The following C1QTNF3 variants were observed in gnomAD, a reference collection of about 807,000 sequenced individuals.
C1QTNF3 encodes the protein complement C1q tumor necrosis factor-related protein 3.
Under a neutral mutation model 32.6 loss-of-function variants are expected in C1QTNF3, and 26 were observed. The ratio of observed to expected loss-of-function variants is 0.80; its 90% confidence interval spans 0.58 to 1.11. C1QTNF3 has a LOEUF of 1.11. C1QTNF3 is among the 50% of genes least tolerant of loss of function. The pLI, the probability that C1QTNF3 is intolerant of heterozygous loss-of-function variation, is 0.00. For synonymous variants in C1QTNF3, 155 were observed against 146.0 expected (o/e 1.06, Z -0.44); for missense variants, 362 against 398.2 (o/e 0.91, Z 0.77).
the C1QTNF3 span, among the ~76,000 whole-genome samples, chr5:34,072,061 G>A: frequency 4.3e-4 from 66 of 152,040 alleles, no homozygotes; most frequent in African/African-American, 1.5e-3. Flanking sequence ...TGATAAGAAA[G>A]ATTGATTATA....
the C1QTNF3 span, among the ~76,000 whole-genome samples, chr5:34,103,232 C>G: frequency 6.6e-6 from 1 of 152,054 alleles, no homozygotes; most frequent in African/African-American, 2.4e-5. Flanking sequence ...CTTCCAGAAT[C>G]CCACCTTTGT....
the C1QTNF3 span, among the ~76,000 whole-genome samples, chr5:34,135,738 A>C: frequency 3.4e-5 from 5 of 146,726 alleles, no homozygotes. Flanking sequence ...TTTAAACTAT[A>C]CTACAAGGCT....
At chr5:34,062,767 G>T in the C1QTNF3 span, among the ~76,000 whole-genome samples, 1 of 152,166 alleles carries the variant, frequency 6.6e-6, no homozygotes, top group Non-Finnish European at 1.5e-5. Context: ...AAATCTGCTG[G>T]GTTAAGGGAA....
chr5:34,156,078 A>C, the C1QTNF3 span, among the ~76,000 whole-genome samples: 3 of 152,068 alleles, frequency 2.0e-5, no homozygotes, highest in Non-Finnish European at 2.9e-5. Context: ...AAAATTATTT[A>C]TTTATTTTTT....
chr5:34,148,145 G>A, the C1QTNF3 span, among the ~76,000 whole-genome samples: 2 of 149,606 alleles, frequency 1.3e-5, no homozygotes, highest in African/African-American at 4.9e-5. Flanking sequence ...GCGCTTTTCA[G>A]ACCGGCTTAA....
At chr5:34,172,162 T>C in the C1QTNF3 span, among the ~76,000 whole-genome samples, 3 of 152,188 alleles carry the variant, frequency 2.0e-5, no homozygotes, top group African/African-American at 7.2e-5. Flanking sequence ...CCTGAAACTG[T>C]AGGTAGTTCA....
intron 1 of C1QTNF3, among the ~76,000 whole-genome samples, chr5:34,040,982 A>C (rs1579612089): frequency 6.6e-6 from 1 of 152,190 alleles, no homozygotes; most frequent in African/African-American, 2.4e-5. Flanking sequence ...ACAAAAATTT[A>C]TCTCTACTAC....
the C1QTNF3 span, among the ~76,000 whole-genome samples, chr5:34,155,004 T>C: frequency 1.4e-4 from 22 of 152,344 alleles, no homozygotes; most frequent in African/African-American, 5.1e-4. Flanking sequence ...GTCACATACT[T>C]CTTAGTTATC....
At chr5:34,091,134 C>A in the C1QTNF3 span, among the ~76,000 whole-genome samples, 1 of 152,098 alleles carries the variant, frequency 6.6e-6, no homozygotes, top group Admixed American at 6.6e-5. Context: ...TGCACCACTG[C>A]GCAGCCTGGA....
At chr5:34,081,743 T>C in the C1QTNF3 span, among the ~76,000 whole-genome samples, 1 of 151,584 alleles carries the variant, frequency 6.6e-6, no homozygotes, top group African/African-American at 2.4e-5. Flanking sequence ...CCGGATTTAA[T>C]TGTTTATTTA....
chr5:34,215,498 C>A, the C1QTNF3 span, among the ~76,000 whole-genome samples: 2 of 152,186 alleles, frequency 1.3e-5, no homozygotes, highest in African/African-American at 4.8e-5. Flanking sequence ...GCTTCTTTAA[C>A]CCACACTGCT....
chr5:34,054,274 A>C, the C1QTNF3 span, among the ~76,000 whole-genome samples: 1 of 152,158 alleles, frequency 6.6e-6, no homozygotes, highest in South Asian at 2.1e-4. Flanking sequence ...AATCCTCCAC[A>C]CTGGGAAACT....
chr5:34,059,340 T>G, the C1QTNF3 span, among the ~76,000 whole-genome samples: 1 of 152,164 alleles, frequency 6.6e-6, no homozygotes, highest in Non-Finnish European at 1.5e-5. Flanking sequence ...TGGCCCACCC[T>G]AACAGCCTCA....
the C1QTNF3 span, among the ~76,000 whole-genome samples, chr5:34,082,758 C>A: frequency 1.3e-5 from 2 of 151,624 alleles, no homozygotes; most frequent in African/African-American, 4.9e-5. Context: ...TCTTTCTGTT[C>A]AAAGTAGATG....
At chr5:34,088,728 T>A in the C1QTNF3 span, among the ~76,000 whole-genome samples, 1 of 152,114 alleles carries the variant, frequency 6.6e-6, no homozygotes, top group Non-Finnish European at 1.5e-5. Flanking sequence ...CCAAGGCGGG[T>A]CTGGAACTCC....
the C1QTNF3 span, among the ~76,000 whole-genome samples, chr5:34,213,778 T>TATATATAC: frequency 9.4e-5 from 1 of 10,598 alleles, no homozygotes; most frequent in Non-Finnish European, 3.1e-4. Context: ...CACATACGTG[T>TATATATAC]ATATATACAT....
At chr5:34,050,422 C>A in the C1QTNF3 span, among the ~76,000 whole-genome samples, 10 of 152,334 alleles carry the variant, frequency 6.6e-5, no homozygotes, top group Middle Eastern at 6.8e-3. Flanking sequence ...CTACTCAGCG[C>A]TTGGCATCAC....
At chr5:34,195,703 C>A in the C1QTNF3 span, among the ~76,000 whole-genome samples, 1 of 151,542 alleles carries the variant, frequency 6.6e-6, no homozygotes. Context: ...TAGCCGGGCG[C>A]AGTGGCGGGC....
intron 5 of C1QTNF3, among the ~76,000 whole-genome samples, chr5:34,023,379 T>C (rs929803888): frequency 6.6e-6 from 1 of 152,206 alleles, no homozygotes; most frequent in African/African-American, 2.4e-5. Context: ...CATCTTCCTG[T>C]CTTTTGGCAT....
Sources: allele counts gnomAD v4.1 joint callset (sites outside exome capture counted in the v4.1 genomes callset), GRCh38; gene constraint gnomAD v4.1.1; transcripts MANE v1.5; gene names NCBI Gene and HGNC (gene_info 2026-07-23, HGNC 2026-07-21).